The following CNTNAP2 variants were observed in gnomAD, a reference collection of about 807,000 sequenced individuals.
CNTNAP2 encodes contactin associated protein 2.
In CNTNAP2, 98 loss-of-function variants were observed where a neutral mutation model predicts 155.2. The observed-to-expected ratio is 0.63, with a 90% CI of 0.54 to 0.75. CNTNAP2 has a LOEUF of 0.75. CNTNAP2 is among the 30% of genes least tolerant of loss of function. The pLI, the probability that CNTNAP2 is intolerant of heterozygous loss-of-function variation, is 0.00. For missense variants in CNTNAP2, 1,727 were observed against 1,688.1 expected, an observed-to-expected ratio of 1.02 and a Z score of -0.40; for synonymous variants, 651 against 631.2, an observed-to-expected ratio of 1.03 and a Z score of -0.47.
At chr7:146,246,533 G>A (rs1799659425) in intron 1 of CNTNAP2, among the ~76,000 whole-genome samples, 1 of 150,294 alleles carries the variant, frequency 6.7e-6, no homozygotes, top group Non-Finnish European at 1.5e-5. Flanking sequence ...GGAGTGGGTA[G>A]CCTCAGTATT....
intron 12 of CNTNAP2, among the ~76,000 whole-genome samples, chr7:147,635,834 C>T (rs1275224753): frequency 6.6e-6 from 1 of 152,052 alleles, no homozygotes; most frequent in Admixed American, 6.6e-5. Flanking sequence ...GAAGGCTATT[C>T]CATCATGAGT....
chr7:147,868,963 C>T (rs1191778416), intron 13 of CNTNAP2, among the ~76,000 whole-genome samples: 1 of 152,238 alleles, frequency 6.6e-6, no homozygotes, highest in Non-Finnish European at 1.5e-5. Flanking sequence ...TCAGCTCACC[C>T]TCCATGGGCT....
chr7:146,651,394 A>T (rs1263424452), intron 1 of CNTNAP2, among the ~76,000 whole-genome samples: 3 of 152,164 alleles, frequency 2.0e-5, no homozygotes, highest in Non-Finnish European at 4.4e-5. Flanking sequence ...AATTAGGACA[A>T]CCTAACTAAA....
chr7:147,064,318 C>T (rs893852824), intron 4 of CNTNAP2, among the ~76,000 whole-genome samples: 1 of 152,112 alleles, frequency 6.6e-6, no homozygotes, highest in African/African-American at 2.4e-5. Context: ...ATTTGTTTCA[C>T]ACATTATGAA....
At chr7:146,165,727 A>G (rs1798302396) in intron 1 of CNTNAP2, among the ~76,000 whole-genome samples, 1 of 152,234 alleles carries the variant, frequency 6.6e-6, no homozygotes, top group African/African-American at 2.4e-5. Context: ...GTGAATACAT[A>G]AAAACTTTAT....
At chr7:146,164,940 G>T (rs1425872883) in intron 1 of CNTNAP2, among the ~76,000 whole-genome samples, 1 of 152,132 alleles carries the variant, frequency 6.6e-6, no homozygotes, top group Non-Finnish European at 1.5e-5. Flanking sequence ...TATGTGAAGT[G>T]TGTGTGTGAA....
At chr7:146,549,451 A>C (rs1798081858) in intron 1 of CNTNAP2, among the ~76,000 whole-genome samples, 1 of 152,058 alleles carries the variant, frequency 6.6e-6, no homozygotes, top group Admixed American at 6.6e-5. Context: ...ATATCTTAAA[A>C]GTTATTGAAA....
At chr7:146,715,007 T>A (rs1585054398) in intron 1 of CNTNAP2, among the ~76,000 whole-genome samples, 1 of 152,202 alleles carries the variant, frequency 6.6e-6, no homozygotes, top group East Asian at 1.9e-4. Context: ...GGGAAAGAGA[T>A]AAAGCAAGTA....
chr7:147,513,539 A>G (rs1799058623), intron 11 of CNTNAP2, among the ~76,000 whole-genome samples: 1 of 152,240 alleles, frequency 6.6e-6, no homozygotes, highest in Non-Finnish European at 1.5e-5. Context: ...TTGATTATAA[A>G]GCCTTCCATG....
At chr7:146,607,122 A>G (rs926651686) in intron 1 of CNTNAP2, among the ~76,000 whole-genome samples, 48 of 152,224 alleles carry the variant, frequency 3.2e-4, no homozygotes, top group Admixed American at 3.1e-3. Context: ...TTATTATTAG[A>G]TTAGTACTGA....
intron 14 of CNTNAP2, among the ~76,000 whole-genome samples, chr7:147,956,756 T>G (rs1801022361): frequency 6.6e-6 from 1 of 152,194 alleles, no homozygotes; most frequent in Non-Finnish European, 1.5e-5. Flanking sequence ...AGGAAGAAGA[T>G]TTAATTCTAC....
chr7:146,436,138 C>T (rs1399735300), intron 1 of CNTNAP2, among the ~76,000 whole-genome samples: 1 of 152,096 alleles, frequency 6.6e-6, no homozygotes, highest in Non-Finnish European at 1.5e-5. Context: ...CTATAACTAG[C>T]ACCATGTATC....
Position 147,560,168 on chromosome 7 carries a change from C to CAAAAAAA in CNTNAP2, c.1778-1953_1778-1947dup, listed in dbSNP as rs71183016. 1.8e-3 allele frequency among the ~76,000 whole-genome samples: 94 copies of CAAAAAAA among 52,816 alleles called. 5 individuals are homozygous for CAAAAAAA. The highest frequency in any genetic ancestry group is 6.0e-3 in the African/African-American group (86 of 14,298). 34.6% of individuals were successfully genotyped at this position (52,816 alleles called of 152,430 possible). ...GGGCAACAAGAACGAAACTCCGTCT[C>CAAAAAAA]AAAAAAAAAAAAAAAAAAAAAAATT... is the stretch of plus-strand genomic sequence containing the variant. On this transcript the variant is annotated intron_variant, in intron 11 of 23. Coordinates refer to ENST00000361727, the MANE Select transcript of CNTNAP2 (RefSeq NM_014141.6).
chr7:147,782,870 C>T (rs1246607525), intron 13 of CNTNAP2, among the ~76,000 whole-genome samples: 2 of 152,184 alleles, frequency 1.3e-5, no homozygotes, highest in African/African-American at 2.4e-5. Flanking sequence ...CTGTGATTGT[C>T]ACCTTAGGGT....
chr7:147,609,596 A>G (rs1801143777), intron 12 of CNTNAP2, among the ~76,000 whole-genome samples: 1 of 151,946 alleles, frequency 6.6e-6, no homozygotes, highest in Non-Finnish European at 1.5e-5. Context: ...AAACATCACA[A>G]AGGAGGAAAT....
chr7:146,693,860 A>T (rs1800739101), intron 1 of CNTNAP2, among the ~76,000 whole-genome samples: 1 of 151,884 alleles, frequency 6.6e-6, no homozygotes, highest in African/African-American at 2.4e-5. Flanking sequence ...TGCATTAGCT[A>T]TTTTTCCTAA....
chr7:146,501,828 AC>A (rs1411757411), intron 1 of CNTNAP2, among the ~76,000 whole-genome samples: 2 of 152,124 alleles, frequency 1.3e-5, no homozygotes, highest in East Asian at 3.9e-4. Flanking sequence ...GTGATTTGAA[AC>A]AGACAAAAGA....
chr7:146,992,263 G>T (rs1798221697), intron 3 of CNTNAP2, among the ~76,000 whole-genome samples: 1 of 152,040 alleles, frequency 6.6e-6, no homozygotes, highest in African/African-American at 2.4e-5. Context: ...TCCTTCCCAT[G>T]AGCGTTAGTA....
chr7:147,676,970 C>A (rs183543170), intron 13 of CNTNAP2, among the ~76,000 whole-genome samples: 1 of 151,796 alleles, frequency 6.6e-6, no homozygotes. Flanking sequence ...CTGCAGCGAA[C>A]GTGAGAATGT....
Sources: gnomAD v4.1 joint callset for allele counts (sites outside exome capture counted in the v4.1 genomes callset) on GRCh38, gnomAD v4.1.1 for gene constraint, MANE v1.5 for transcripts, NCBI Gene and HGNC (gene_info 2026-07-23, HGNC 2026-07-21) for gene names.